The following COPS5 variants were observed in gnomAD, a reference collection of about 807,000 sequenced individuals.
The protein encoded by COPS5 is COP9 signalosome subunit 5.
A neutral mutation model predicts 44.4 loss-of-function variants in COPS5; 8 were observed. The observed-to-expected ratio is 0.18, with a 90% CI of 0.11 to 0.32. COPS5 has a LOEUF of 0.32. Among genes scored for constraint, COPS5 ranks in the 10% least tolerant of loss-of-function variants. The pLI is 1.00. For missense variants in COPS5, 159 were observed against 406.4 expected, an observed-to-expected ratio of 0.39 and a Z score of 5.23; for synonymous variants, 122 against 142.8, an observed-to-expected ratio of 0.85 and a Z score of 1.04.
At position 67,056,535 on chromosome 8, in the gene COPS5, CA is replaced by C. The variant is rs1386861046; in HGVS notation, c.642del (p.Phe214LeufsTer11). ...QTIPLNKIEDFGVHCKQYYAL... is the reference protein window; with the variant it reads ...QTIPLNKIEDXGVHCKQYYAL... ...ATTACTTACTGTTTGCAGTGTACAC[CA>C]AAATCTTCTATTTTATTAAGTGGAA... On this transcript the variant is annotated frameshift_variant, in exon 5 of 8. Coordinates refer to ENST00000357849, the MANE Select transcript of COPS5 (RefSeq NM_006837.3). LOFTEE classifies it high-confidence loss of function. The C allele has an allele frequency of 7.0e-6, 10 of 1,425,598 alleles. No individual in the cohort carries two copies. Among genetic ancestry groups the C allele is most frequent in the Non-Finnish European group, 7.7e-6 (8 of 1,044,994 alleles). The allele number at this position is 1,425,598 out of a possible 1,614,324, so 88.3% of individuals were successfully genotyped here. A position where few individuals can be genotyped will look rare whatever the true frequency, so the allele number is the denominator to read the frequency against.
At chr8:67,055,638 C>T (rs540054720) in intron 5 of COPS5, among the ~76,000 whole-genome samples, 3 of 152,038 alleles carry the variant, frequency 2.0e-5, no homozygotes, top group Non-Finnish European at 4.4e-5. Context: ...GAGGCCGAGG[C>T]GGGTGGATCA....
At chr8:67,057,602 GGTAATATAA>G (rs1804532277) in intron 3 of COPS5, among the ~76,000 whole-genome samples, 157 bp from the exon 4 acceptor site, 1 of 151,886 alleles carries the variant, frequency 6.6e-6, no homozygotes, top group Admixed American at 6.6e-5. Flanking sequence ...TCAGTAAGAG[GGTAATATAA>G]GTGTCTCACA....
chr8:67,058,702 A>T (rs1020624703), intron 2 of COPS5, among the ~76,000 whole-genome samples: 2 of 152,180 alleles, frequency 1.3e-5, no homozygotes, highest in Non-Finnish European at 2.9e-5. Context: ...TATTTAAAAA[A>T]AAAATAAAAT....
chr8:67,056,651 AAATATATATATATATATATATATAT>A lies in COPS5; in HGVS notation c.574-72_574-48del, dbSNP rs1295187414. The A allele has an allele frequency of 7.5e-4, 42 of 55,912 alleles. 11 individuals are homozygous for A. The highest frequency in any genetic ancestry group is 3.3e-3 in the African/African-American group (22 of 6,608). 3.5% of individuals were successfully genotyped at this position (55,912 alleles called of 1,614,324 possible). A position where few individuals can be genotyped will look rare whatever the true frequency, so the allele number is the denominator to read the frequency against. Reference sequence around the variant, plus strand: ...AGAAGATTAAGAAAAAAAAAAAAAAAAATATATATATATATATATATATATATATATATATATATATATATATATA... The same window carrying A: ...AGAAGATTAAGAAAAAAAAAAAAAAAATATATATATATATATATATATATA... On this transcript the variant is annotated intron_variant, in intron 4 of 7. Transcript: ENST00000357849.
intron 6 of COPS5, among the ~76,000 whole-genome samples, chr8:67,046,594 T>C (rs1027512535): frequency 1.3e-5 from 2 of 151,736 alleles, no homozygotes; most frequent in African/African-American, 4.8e-5. Context: ...GCTGAGGCAG[T>C]TGGATCACCT....
chr8:67,059,014 A>AAC (rs1554545662), intron 2 of COPS5, among the ~76,000 whole-genome samples, 197 bp downstream of exon 2: 1 of 151,794 alleles, frequency 6.6e-6, no homozygotes, highest in Non-Finnish European at 1.5e-5. Flanking sequence ...GAAAAAAAAA[A>AAC]AACAACAACA....
In COPS5 at chr8:67,057,449, TAAGA is replaced by T; in HGVS notation, c.508-8_508-5del. 1 of 1,597,962 alleles carries T rather than the reference TAAGA, an allele frequency of 6.3e-7. No individual in the cohort carries two copies. ...ATATTGTTCTTGTTGGATCAATCTA[TAAGA>T]AAGATATATTTAATATCTGCTGATA... On this transcript the variant is annotated splice_region_variant and splice_polypyrimidine_tract_variant and intron_variant, in intron 3 of 7. Coordinates refer to ENST00000357849, the MANE Select transcript of COPS5 (RefSeq NM_006837.3).
intron 6 of COPS5, chr8:67,047,754 G>A: frequency 1.4e-6 from 1 of 701,728 alleles, no homozygotes; most frequent in Non-Finnish European, 2.6e-6. Context: ...GGCTGAGTAG[G>A]TAGATCTGCT....
At chr8:67,047,233 A>G (rs1816712853) in intron 6 of COPS5, among the ~76,000 whole-genome samples, 2 of 152,220 alleles carry the variant, frequency 1.3e-5, no homozygotes, top group Non-Finnish European at 2.9e-5. Flanking sequence ...CCAAACAAGA[A>G]AAGTTATTTG....
chr8:67,057,928 A>C (rs892693789), intron 3 of COPS5, among the ~76,000 whole-genome samples, 155 bp downstream of exon 3: 9 of 152,268 alleles, frequency 5.9e-5, no homozygotes, highest in African/African-American at 1.9e-4. Context: ...TAATTTGCTC[A>C]AAGTCCCAGC....
At chr8:67,056,164 A>G (rs1183751767) in intron 5 of COPS5, among the ~76,000 whole-genome samples, 1 of 152,196 alleles carries the variant, frequency 6.6e-6, no homozygotes, top group Non-Finnish European at 1.5e-5. Context: ...TAAAAAATGC[A>G]AAAGAAAAAA....
At position 67,061,873 on chromosome 8, in the gene COPS5, C is replaced by T; in HGVS notation, c.124G>A (p.Ala42Thr). 1 of 1,614,216 alleles carries T rather than the reference C, an allele frequency of 6.2e-7. No individual in the cohort carries two copies. The highest frequency in any genetic ancestry group is 8.5e-7 in the Non-Finnish European group (1 of 1,180,050). Residue 42 changes from alanine (A) to threonine (T), a missense_variant, in exon 1 of 8, where the codon GCG becomes ACG. Coordinates refer to ENST00000357849, the MANE Select transcript of COPS5 (RefSeq NM_006837.3). Reference sequence around the variant, plus strand: ...CCTCACTCCTTAGTCCAGGGCTTCGCCGCCAGGATTTCTTGCTGCTGTTTC... The same window carrying T: ...CCTCACTCCTTAGTCCAGGGCTTCGTCGCCAGGATTTCTTGCTGCTGTTTC... ...DKKQQQEILAAKPWTKDHHYF... is the reference protein window; with the variant it reads ...DKKQQQEILATKPWTKDHHYF...
intron 5 of COPS5, among the ~76,000 whole-genome samples, chr8:67,055,329 G>T (rs762563293): frequency 6.6e-6 from 1 of 152,080 alleles, no homozygotes; most frequent in Non-Finnish European, 1.5e-5. Context: ...AGGATTATCC[G>T]GCTTACATCT....
intron 1 of COPS5, chr8:67,060,029 G>A (rs965583650): frequency 6.0e-6 from 1 of 166,300 alleles, no homozygotes; most frequent in African/African-American, 2.4e-5. Flanking sequence ...ACCCTAATAA[G>A]TGCTAGCTGT....
At chr8:67,048,169 C>G (rs906720036) in intron 6 of COPS5, among the ~76,000 whole-genome samples, 3 of 151,576 alleles carry the variant, frequency 2.0e-5, no homozygotes, top group African/African-American at 7.3e-5. Flanking sequence ...GTCAGGAGGC[C>G]GAGGTGGGAA....
chr8:67,044,896 G>C (rs1423066517), intron 7 of COPS5: 2 of 152,052 alleles, frequency 1.3e-5, no homozygotes, highest in African/African-American at 4.8e-5. Flanking sequence ...CACTGTGCCC[G>C]GCCTAAAATT....
intron 4 of COPS5, 84 bp downstream of exon 4, chr8:67,057,296 C>G: frequency 1.2e-6 from 1 of 852,944 alleles, no homozygotes; most frequent in East Asian, 2.6e-5. Flanking sequence ...CTGTAGTACA[C>G]TATGATCATG....
At chr8:67,048,294 A>G (rs1189373735) in intron 6 of COPS5, among the ~76,000 whole-genome samples, 4 of 150,858 alleles carry the variant, frequency 2.7e-5, no homozygotes, top group African/African-American at 9.7e-5. Context: ...AATAAAATAA[A>G]TAAAGTAAAA....
chr8:67,059,070 AT>A (rs1257329040), intron 2 of COPS5, 140 bp downstream of exon 2: 2 of 609,518 alleles, frequency 3.3e-6, no homozygotes, highest in Non-Finnish European at 5.6e-6. Flanking sequence ...CAGGCTTTTA[AT>A]CTCGTACATT....
Sources: gnomAD v4.1 joint callset for allele counts (sites outside exome capture counted in the v4.1 genomes callset) on GRCh38, gnomAD v4.1.1 for gene constraint, MANE v1.5 for transcripts, NCBI Gene and HGNC (gene_info 2026-07-23, HGNC 2026-07-21) for gene names.